The following ADAMTS19 variants were observed in gnomAD, a reference collection of about 807,000 sequenced individuals.
ADAMTS19 encodes the protein A disintegrin and metalloproteinase with thrombospondin motifs 19.
Under a neutral mutation model 153.3 loss-of-function variants are expected in ADAMTS19, and 93 were observed. The ratio of observed to expected loss-of-function variants is 0.61; its 90% CI spans 0.51 to 0.72. ADAMTS19 has a LOEUF of 0.72. Among genes scored for constraint, ADAMTS19 ranks in the 30% least tolerant of loss-of-function variants. The pLI, the probability that ADAMTS19 is intolerant of heterozygous loss-of-function variation, is 0.00. For missense variants in ADAMTS19, 1,482 were observed against 1,552.1 expected (o/e 0.95, Z 0.76); for synonymous variants, 600 against 556.6 (o/e 1.08, Z -1.10).
intron 2 of ADAMTS19, among the ~76,000 whole-genome samples, chr5:129,497,875 T>G (rs1750976459): frequency 6.6e-6 from 1 of 152,084 alleles, no homozygotes; most frequent in Non-Finnish European, 1.5e-5. Flanking sequence ...CTGGCCTCCC[T>G]CATTCTACTT....
intron 8 of ADAMTS19, among the ~76,000 whole-genome samples, chr5:129,617,393 A>G (rs372172630): frequency 1.3e-4 from 20 of 152,174 alleles, no homozygotes; most frequent in Admixed American, 8.5e-4. Context: ...CATATTTGGA[A>G]AATCCTATTA....
At chr5:129,501,815 G>C in intron 2 of ADAMTS19, among the ~76,000 whole-genome samples, 1 of 151,750 alleles carries the variant, frequency 6.6e-6, no homozygotes, top group East Asian at 1.9e-4. Flanking sequence ...TTATATTATT[G>C]TTTTCTTATA....
At chr5:129,654,053 T>C (rs1462172006) in intron 13 of ADAMTS19, among the ~76,000 whole-genome samples, 1 of 152,182 alleles carries the variant, frequency 6.6e-6, no homozygotes, top group Non-Finnish European at 1.5e-5. Context: ...TGTTCTGCCA[T>C]AAAATAACAA....
At position 129,461,332 on chromosome 5, in the gene ADAMTS19, C is replaced by T; in HGVS notation, c.322C>T (p.Arg108Trp). The change falls in exon 2 of 23, where the codon CGG (arginine) becomes TGG (tryptophan). Residue 108 changes from arginine to tryptophan, a missense_variant. This residue lies in a region of ADAMTS19 where 866 missense variants were observed against 827.7 expected (regional missense o/e 1.05). Transcript: ENST00000274487. This position sits in a 1 kb window ranked among gnomAD's most constrained non-coding sequence, Gnocchi z 4.6. ...GCCCGTGGAGGGCCGATCAGAGTCC[C>T]GGCTCCGGCCCCCGCCGCCGTCGGA... is the stretch of plus-strand genomic sequence containing the variant. Reference protein sequence around the residue: ...EEPVEGRSESRLRPPPPSEGE... With the variant: ...EEPVEGRSESWLRPPPPSEGE... 1.5e-6 allele frequency: 2 copies of T among 1,332,870 alleles called. No homozygotes were observed. Among genetic ancestry groups the T allele is most frequent in the Middle Eastern group, 2.8e-4 (1 of 3,558 alleles). 82.6% of individuals were successfully genotyped at this position (1,332,870 alleles called of 1,614,324 possible). A position where few individuals can be genotyped will look rare whatever the true frequency, so the allele number is the denominator to read the frequency against.
intron 3 of ADAMTS19, among the ~76,000 whole-genome samples, chr5:129,513,706 T>C (rs1005077587): frequency 6.6e-6 from 1 of 152,032 alleles, no homozygotes; most frequent in African/African-American, 2.4e-5. Flanking sequence ...AATGTCTTCA[T>C]ATAGGCATGC....
At chr5:129,471,176 C>G (rs1226586499) in intron 2 of ADAMTS19, among the ~76,000 whole-genome samples, 1 of 151,446 alleles carries the variant, frequency 6.6e-6, no homozygotes, top group Non-Finnish European at 1.5e-5. Flanking sequence ...GACTGAATGA[C>G]AAACCTAAAA....
chr5:129,687,278 C>A (rs1755138125), intron 18 of ADAMTS19, among the ~76,000 whole-genome samples: 1 of 152,096 alleles, frequency 6.6e-6, no homozygotes, highest in Non-Finnish European at 1.5e-5. Flanking sequence ...GATGGTTCAC[C>A]TTATACCACT....
chr5:129,729,096 T>C (rs1489678313), intron 21 of ADAMTS19, among the ~76,000 whole-genome samples: 1 of 152,080 alleles, frequency 6.6e-6, no homozygotes, highest in Non-Finnish European at 1.5e-5. Context: ...ACTTTGATAG[T>C]AATTTAGACC....
Position 129,620,707 on chromosome 5 carries a change from G to A in ADAMTS19, c.1568G>A (p.Gly523Asp). The A allele has an allele frequency of 6.2e-7, 1 of 1,613,112 alleles. No homozygotes were observed. The highest frequency in any genetic ancestry group is 2.2e-5 in the East Asian group (1 of 44,830). ...GAATGGATTAAAGGACAGAATCTTG[G>A]TGACGTTTCATGGTCTCGATGTAGC... Reference protein sequence around the residue: ...SGEWIKGQNLGDVSWSRCSKE... With the variant: ...SGEWIKGQNLDDVSWSRCSKE... The change falls in exon 9 of 23, where the codon GGT (glycine) becomes GAT (aspartate). Residue 523 changes from glycine to aspartate, a missense_variant. By Grantham distance (94) the Gly-to-Asp change is moderately conservative. Coordinates refer to ENST00000274487, the MANE Select transcript of ADAMTS19 (RefSeq NM_133638.6).
In ADAMTS19 at chr5:129,461,491, G is replaced by C; in HGVS notation, c.481G>C (p.Ala161Pro). ...PPQPPPSPPP[A>P]QHAEPDGDEV... Reference sequence around the variant, plus strand: ...GCAGCCGCCCCCGTCCCCGCCCCCGGCCCAGCATGCCGAGCCGGATGGCGA... The same window carrying C: ...GCAGCCGCCCCCGTCCCCGCCCCCGCCCCAGCATGCCGAGCCGGATGGCGA... The change falls in exon 2 of 23, where the codon GCC (alanine) becomes CCC (proline). Residue 161 changes from alanine to proline, a missense_variant. Ala to Pro is a conservative substitution (Grantham distance 27). Coordinates refer to ENST00000274487, the MANE Select transcript of ADAMTS19 (RefSeq NM_133638.6). This position sits in a 1 kb window ranked among gnomAD's most constrained non-coding sequence, Gnocchi z 4.6. 1 of 1,497,108 alleles carries C rather than the reference G, an allele frequency of 6.7e-7. No individual in the cohort carries two copies. The highest frequency in any genetic ancestry group is 1.3e-5 in the South Asian group (1 of 79,566). 92.7% of individuals were successfully genotyped at this position (1,497,108 alleles called of 1,614,324 possible). A position where few individuals can be genotyped will look rare whatever the true frequency, so the allele number is the denominator to read the frequency against.
intron 21 of ADAMTS19, among the ~76,000 whole-genome samples, chr5:129,732,754 A>C (rs1757494567): frequency 6.6e-6 from 1 of 152,114 alleles, no homozygotes; most frequent in Admixed American, 6.6e-5. Context: ...CAATCTAGAG[A>C]TTCAGCACAA....
intron 7 of ADAMTS19, among the ~76,000 whole-genome samples, chr5:129,592,915 G>A (rs1251112648): frequency 6.6e-6 from 1 of 152,090 alleles, no homozygotes; most frequent in Non-Finnish European, 1.5e-5. Context: ...ATACCTCTAT[G>A]TAAGTATGCA....
At chr5:129,588,407 A>G (rs575585516) in intron 7 of ADAMTS19, among the ~76,000 whole-genome samples, 1 of 152,236 alleles carries the variant, frequency 6.6e-6, no homozygotes, top group African/African-American at 2.4e-5. Context: ...TGAACATAAT[A>G]TGAATCTTCT....
intron 10 of ADAMTS19, among the ~76,000 whole-genome samples, chr5:129,640,554 G>A (rs1388318543): frequency 6.6e-6 from 1 of 152,038 alleles, no homozygotes; most frequent in African/African-American, 2.4e-5. Flanking sequence ...TCAATCTGCT[G>A]CTGGTCAACT....
rs540338777 is a variant in ADAMTS19 at position 129,555,640 on chromosome 5, TAACTG to T, written c.1372+3734_1372+3738del. 1.4e-3 allele frequency among the ~76,000 whole-genome samples: 215 copies of T among 152,200 alleles called. 2 individuals carry two copies. Among genetic ancestry groups the T allele is most frequent in the African/African-American group, 5.0e-3 (209 of 41,542 alleles). On this transcript the variant is annotated intron_variant, in intron 7 of 22. Coordinates refer to ENST00000274487, the MANE Select transcript of ADAMTS19 (RefSeq NM_133638.6). ...CTGTGACAGTCGCAAAGCAGCTAGTTAACTGGCATTTTATCTACACCAGTTTCTAT... is the reference window on the plus strand; with the variant it reads ...CTGTGACAGTCGCAAAGCAGCTAGTTGCATTTTATCTACACCAGTTTCTAT...
intron 10 of ADAMTS19, among the ~76,000 whole-genome samples, chr5:129,638,054 G>A (rs771004163): frequency 2.6e-5 from 4 of 152,094 alleles, no homozygotes; most frequent in Non-Finnish European, 5.9e-5. Context: ...AATCTGTTCA[G>A]TAACCCCCTA....
chr5:129,591,370 G>A (rs1561589141), intron 7 of ADAMTS19, among the ~76,000 whole-genome samples: 1 of 150,440 alleles, frequency 6.6e-6, no homozygotes, highest in Non-Finnish European at 1.5e-5. Context: ...TCGGCTCACT[G>A]CAACCTCTGC....
At chr5:129,661,199 A>C (rs1753799726) in intron 15 of ADAMTS19, among the ~76,000 whole-genome samples, 1 of 152,112 alleles carries the variant, frequency 6.6e-6, no homozygotes, top group African/African-American at 2.4e-5. Flanking sequence ...TTTTATGTTC[A>C]CTTGTCTTTC....
chr5:129,527,271 C>G (rs1459442918), intron 4 of ADAMTS19, among the ~76,000 whole-genome samples: 1 of 151,572 alleles, frequency 6.6e-6, no homozygotes, highest in African/African-American at 2.4e-5. Context: ...GGCAAATGTC[C>G]ATTTATAAGT....
Sources: gnomAD v4.1 joint callset for allele counts (sites outside exome capture counted in the v4.1 genomes callset) on GRCh38, gnomAD v4.1.1 for gene constraint, gnomAD v4.1.1 regional missense constraint, Gnocchi (gnomAD v3.1) non-coding constraint, MANE v1.5 for transcripts, NCBI Gene and HGNC (gene_info 2026-07-23, HGNC 2026-07-21) for gene names.